CADPS: variants seen among roughly 807,000 people sequenced by gnomAD.
CADPS encodes calcium dependent secretion activator.
A neutral mutation model predicts 167.3 loss-of-function variants in CADPS; 57 were observed. That is an observed-to-expected ratio of 0.34 (90% CI 0.28 to 0.42). The LOEUF (loss-of-function observed/expected upper bound fraction) is 0.42, where lower values mean the gene tolerates loss of function less well. Ranked by LOEUF, CADPS falls within the 20% of genes least tolerant of loss-of-function variation. The probability of loss-of-function intolerance (pLI) is 1.00; values close to 1 mark genes in which losing one functional copy is unlikely to be tolerated. For synonymous variants in CADPS, 676 were observed against 635.3 expected, an observed-to-expected ratio of 1.06 and a Z score of -0.96; for missense variants, 1,414 against 1,738.1, an observed-to-expected ratio of 0.81 and a Z score of 3.32.
At chr3:62,403,603 T>A (rs1707224503) in intron 28 of CADPS, 1 of 152,820 alleles carries the variant, frequency 6.5e-6, no homozygotes, top group Non-Finnish European at 1.5e-5. Context: ...TTAATTGATG[T>A]TCCTTGCCAC....
At chr3:62,482,889 T>C (rs1216471557) in intron 21 of CADPS, among the ~76,000 whole-genome samples, 1 of 152,218 alleles carries the variant, frequency 6.6e-6, no homozygotes, top group Admixed American at 6.5e-5. Context: ...CTTTTGTTTT[T>C]GGACAAAGAT....
At chr3:62,774,516 A>G (rs2089781696) in intron 1 of CADPS, among the ~76,000 whole-genome samples, 1 of 152,214 alleles carries the variant, frequency 6.6e-6, no homozygotes, top group Non-Finnish European at 1.5e-5. Context: ...TGAGGACTGC[A>G]AGGAGGTTTT....
intron 3 of CADPS, among the ~76,000 whole-genome samples, chr3:62,736,112 C>G (rs1052143422): frequency 6.6e-6 from 1 of 152,226 alleles, no homozygotes; most frequent in Non-Finnish European, 1.5e-5. Flanking sequence ...GGTTCAAGTT[C>G]CAAGGATACC....
chr3:62,558,740 T>C (rs1294927062), intron 9 of CADPS, among the ~76,000 whole-genome samples: 2 of 152,198 alleles, frequency 1.3e-5, no homozygotes, highest in African/African-American at 2.4e-5. Flanking sequence ...GGTTTGTCTG[T>C]TGCTGCCCTC....
chr3:62,519,148 G>T (rs2069769834), intron 13 of CADPS, among the ~76,000 whole-genome samples: 1 of 152,160 alleles, frequency 6.6e-6, no homozygotes, highest in Admixed American at 6.6e-5. Flanking sequence ...CCCATTCAAA[G>T]CCTTCAGCTT....
At chr3:62,701,746 G>A (rs746783083) in intron 3 of CADPS, among the ~76,000 whole-genome samples, 4 of 152,078 alleles carry the variant, frequency 2.6e-5, no homozygotes, top group Non-Finnish European at 5.9e-5. Flanking sequence ...AAGATGCCTT[G>A]TAGAATGACT....
rs1459020148 is a variant in CADPS at position 62,433,679 on chromosome 3, G to T, written c.3777+4425C>A. On this transcript the variant is annotated intron_variant, in intron 28 of 29. Coordinates refer to ENST00000383710, the MANE Select transcript of CADPS (RefSeq NM_003716.4). The surrounding 1 kb of genome is among the most constrained non-coding windows in gnomAD (Gnocchi z 4.7). ...GATGGCTTTTTAATCACTCATCTCCGAGCCTGTGAGGTTTAAGCAGATGAA... is the reference window on the plus strand; with the variant it reads ...GATGGCTTTTTAATCACTCATCTCCTAGCCTGTGAGGTTTAAGCAGATGAA... 2.0e-5 allele frequency among the ~76,000 whole-genome samples: 3 copies of T among 152,094 alleles called. No homozygotes were observed. The highest frequency in any genetic ancestry group is 6.6e-5 in the Admixed American group (1 of 15,256).
At chr3:62,856,225 A>G (rs1032570109) in intron 1 of CADPS, among the ~76,000 whole-genome samples, 4 of 152,164 alleles carry the variant, frequency 2.6e-5, no homozygotes, top group Non-Finnish European at 4.4e-5. Context: ...GGTTAATGCA[A>G]GAAGTCAGTG....
In CADPS at chr3:62,628,109, G is replaced by A. The variant is rs961830446; in HGVS notation, c.1325+17613C>T. Among the ~76,000 whole-genome samples, 9 of 152,278 alleles carry A rather than the reference G, an allele frequency of 5.9e-5. No homozygotes were observed. The East Asian group carries it at 1.5e-3, about 26-fold the overall frequency. ...TTAGGAAGAAACAAAGTAGGAAGGC[G>A]TTCTGCTGTGTGACTTGCTCCCGTA... On this transcript the variant is annotated intron_variant, in intron 6 of 29. Coordinates refer to ENST00000383710, the MANE Select transcript of CADPS (RefSeq NM_003716.4).
At chr3:62,646,160 T>TC (rs1179360607) in intron 5 of CADPS, among the ~76,000 whole-genome samples, 1 of 144,354 alleles carries the variant, frequency 6.9e-6, no homozygotes, top group Non-Finnish European at 1.5e-5. Context: ...AGGAATTGGC[T>TC]CTTTTTTTTT....
In CADPS at chr3:62,420,133, C is replaced by T. The variant is rs1378510821; in HGVS notation, c.3778-16948G>A. On this transcript the variant is annotated intron_variant, in intron 28 of 29. Transcript: ENST00000383710. This position sits in a 1 kb window ranked among gnomAD's most constrained non-coding sequence, Gnocchi z 4.1. The stretch of plus-strand genomic sequence containing the variant: ...TTCAGGTGAATAGGTAAATGGAATG[C>T]TTTACATTAAACCACACAGCTGGTT... 6.6e-6 allele frequency among the ~76,000 whole-genome samples: 1 copy of T among 152,086 alleles called. No individual in the cohort carries two copies. The highest frequency in any genetic ancestry group is 1.5e-5 in the Non-Finnish European group (1 of 68,022).
At chr3:62,824,067 A>G in intron 1 of CADPS, among the ~76,000 whole-genome samples, 1 of 152,196 alleles carries the variant, frequency 6.6e-6, no homozygotes, top group African/African-American at 2.4e-5. Context: ...CAAAAAAACA[A>G]ATTCAAATTG....
chr3:62,749,257 G>C (rs772638710), intron 3 of CADPS, among the ~76,000 whole-genome samples: 1 of 152,150 alleles, frequency 6.6e-6, no homozygotes, highest in Non-Finnish European at 1.5e-5. Flanking sequence ...TGATAGACAT[G>C]GTTCATGTTA....
intron 1 of CADPS, among the ~76,000 whole-genome samples, chr3:62,824,483 C>G (rs1412752655): frequency 6.6e-6 from 1 of 151,984 alleles, no homozygotes. Context: ...GGGGAGCGAA[C>G]TAATAAAAAG....
intron 12 of CADPS, among the ~76,000 whole-genome samples, 196 bp from the exon 13 acceptor site, chr3:62,533,254 T>C (rs770807991): frequency 2.0e-5 from 3 of 152,146 alleles, no homozygotes; most frequent in Non-Finnish European, 4.4e-5. Flanking sequence ...AGGTACATTC[T>C]GTTATCCCTG....
intron 4 of CADPS, among the ~76,000 whole-genome samples, chr3:62,658,080 G>A (rs555093720): frequency 6.6e-6 from 1 of 152,120 alleles, no homozygotes; most frequent in African/African-American, 2.4e-5. Flanking sequence ...AGAATTGGGG[G>A]AGTCCTGTCC....
chr3:62,431,231 G>C (rs2053877975), intron 28 of CADPS, among the ~76,000 whole-genome samples: 1 of 152,134 alleles, frequency 6.6e-6, no homozygotes, highest in Non-Finnish European at 1.5e-5. Flanking sequence ...ACCAGTCTAA[G>C]ACTTCAAAGC....
At chr3:62,854,332 A>G (rs1026418944) in intron 1 of CADPS, among the ~76,000 whole-genome samples, 1 of 152,240 alleles carries the variant, frequency 6.6e-6, no homozygotes, top group Non-Finnish European at 1.5e-5. Flanking sequence ...ATGGCAAGCA[A>G]TCAATGTATC....
intron 3 of CADPS, among the ~76,000 whole-genome samples, chr3:62,665,288 T>C (rs886266503): frequency 1.3e-5 from 2 of 152,242 alleles, no homozygotes; most frequent in Non-Finnish European, 2.9e-5. Context: ...TAACTGCATT[T>C]AACCTTGTCT....
Sources: allele counts gnomAD v4.1 joint callset (sites outside exome capture counted in the v4.1 genomes callset), GRCh38; gene constraint gnomAD v4.1.1; non-coding constraint Gnocchi (gnomAD v3.1); transcripts MANE v1.5; gene names NCBI Gene and HGNC (gene_info 2026-07-23, HGNC 2026-07-21).